The following PLXNA4 variants were observed in gnomAD, a reference collection of about 807,000 sequenced individuals.
The protein encoded by PLXNA4 is plexin A4.
PLXNA4 carries 44 observed loss-of-function variants against 191.8 expected under a neutral mutation model. That is an observed-to-expected ratio of 0.23 (90% CI 0.18 to 0.29). The LOEUF (loss-of-function observed/expected upper bound fraction) is 0.29, where lower values mean the gene tolerates loss of function less well. Among genes scored for constraint, PLXNA4 ranks in the 10% least tolerant of loss-of-function variants. The pLI is 1.00. For synonymous variants in PLXNA4, 1,082 were observed against 1,009.5 expected, an observed-to-expected ratio of 1.07 and a Z score of -1.36; for missense variants, 1,800 against 2,488.8, an observed-to-expected ratio of 0.72 and a Z score of 5.89.
intron 3 of PLXNA4, among the ~76,000 whole-genome samples, chr7:132,470,770 G>C (rs958492064): frequency 6.6e-6 from 1 of 152,182 alleles, no homozygotes; most frequent in African/African-American, 2.4e-5. Flanking sequence ...GACGGAGGAA[G>C]AGAACTGTAG....
intron 3 of PLXNA4, among the ~76,000 whole-genome samples, chr7:132,483,712 G>A (rs993657174): frequency 1.3e-5 from 2 of 152,138 alleles, no homozygotes; most frequent in East Asian, 3.9e-4. Context: ...ATTCAAAAAA[G>A]TGGCACACGT....
At chr7:132,377,852 G>A (rs1288315692) in intron 3 of PLXNA4, among the ~76,000 whole-genome samples, 1 of 152,192 alleles carries the variant, frequency 6.6e-6, no homozygotes, top group Non-Finnish European at 1.5e-5. Flanking sequence ...GCAGGGGAGA[G>A]TGCTGTTTCT....
In PLXNA4 at chr7:132,454,935, C is replaced by T. The variant is rs10250651; in HGVS notation, c.1371+34357G>A. ...CTCATCCAGATCTCTTCCTGTCCTACGGTGGGCTGTCCACCTTCCCACAGC... is the reference window on the plus strand; with the variant it reads ...CTCATCCAGATCTCTTCCTGTCCTATGGTGGGCTGTCCACCTTCCCACAGC... On this transcript the variant is annotated intron_variant, in intron 3 of 31. Coordinates refer to ENST00000321063, the MANE Select transcript of PLXNA4 (RefSeq NM_020911.2). Among the ~76,000 whole-genome samples, 246 of 152,330 alleles carry T rather than the reference C, an allele frequency of 1.6e-3. 1 individual carries two copies. In the Middle Eastern group the frequency reaches 0.02, roughly 13 times the overall value.
At chr7:132,518,180 C>T (rs997670292) in intron 1 of PLXNA4, among the ~76,000 whole-genome samples, 18 of 152,206 alleles carry the variant, frequency 1.2e-4, no homozygotes, top group African/African-American at 4.3e-4. Context: ...TTCGTCCCGG[C>T]CTTCACTGTC....
chr7:132,209,253 C>T (rs770545201), intron 10 of PLXNA4, among the ~76,000 whole-genome samples: 2 of 152,232 alleles, frequency 1.3e-5, no homozygotes, highest in Non-Finnish European at 2.9e-5. Flanking sequence ...GCTCTATCCA[C>T]CCTCCTGACA....
chr7:132,481,970 G>A (rs942584582), intron 3 of PLXNA4, among the ~76,000 whole-genome samples: 9 of 152,310 alleles, frequency 5.9e-5, no homozygotes, highest in Non-Finnish European at 1.0e-4. Flanking sequence ...CAAGCCAAAA[G>A]ACAGGATTCA....
At chr7:132,495,460 C>T (rs557322587) in intron 2 of PLXNA4, among the ~76,000 whole-genome samples, 2 of 152,262 alleles carry the variant, frequency 1.3e-5, no homozygotes, top group South Asian at 4.2e-4. Flanking sequence ...GACCAGGTGA[C>T]CAGCAGGGAT....
At chr7:132,157,994 A>G (rs1228209091) in intron 25 of PLXNA4, among the ~76,000 whole-genome samples, 3 of 152,082 alleles carry the variant, frequency 2.0e-5, no homozygotes, top group Non-Finnish European at 4.4e-5. Flanking sequence ...GTGAGCACAC[A>G]CCCATACCCC....
chr7:132,164,902 T>C (rs893043231), intron 23 of PLXNA4, among the ~76,000 whole-genome samples: 1 of 152,178 alleles, frequency 6.6e-6, no homozygotes, highest in Non-Finnish European at 1.5e-5. Flanking sequence ...GGCTCATCTA[T>C]CCCTTGCCCG....
intron 1 of PLXNA4, among the ~76,000 whole-genome samples, chr7:132,542,181 T>C (rs543519483): frequency 1.6e-4 from 24 of 152,304 alleles, no homozygotes; most frequent in African/African-American, 5.8e-4. Flanking sequence ...CCCAGGACAG[T>C]GCCTGGAACT....
intron 3 of PLXNA4, among the ~76,000 whole-genome samples, chr7:132,475,148 G>A (rs1454337834): frequency 1.3e-5 from 2 of 152,118 alleles, no homozygotes; most frequent in African/African-American, 4.8e-5. Context: ...CACAGACCAG[G>A]GCAGACACCT....
chr7:132,384,582 T>C, intron 3 of PLXNA4: 1 of 988,882 alleles, frequency 1.0e-6, no homozygotes, highest in South Asian at 4.6e-5. Flanking sequence ...ACAGAGCTTT[T>C]GCACATATGA....
At chr7:132,335,238 T>A (rs762496799) in intron 3 of PLXNA4, among the ~76,000 whole-genome samples, 12 of 152,222 alleles carry the variant, frequency 7.9e-5, no homozygotes, top group Non-Finnish European at 1.3e-4. Flanking sequence ...GTGAGCCATA[T>A]CAGAAATTAG....
chr7:132,597,580 CAT>C (rs1563190429), intron 2 of PLXNA4, among the ~76,000 whole-genome samples: 495 of 9,700 alleles, frequency 0.051, 1 homozygote, highest in Non-Finnish European at 0.21. Context: ...TCCTTTTATT[CAT>C]TCATTCATTC....
In PLXNA4 at chr7:132,252,299, G is replaced by GTTTTT. The variant is rs71178032; in HGVS notation, c.1504-11138_1504-11134dup. Among the ~76,000 whole-genome samples, 52 of 75,336 alleles carry GTTTTT rather than the reference G, an allele frequency of 6.9e-4. 2 individuals carry two copies. Among genetic ancestry groups the GTTTTT allele is most frequent in the African/African-American group, 2.3e-3 (47 of 20,684 alleles). 49.4% of individuals were successfully genotyped at this position (75,336 alleles called of 152,430 possible). ...TTGTTAAAATGACAGCATTCTAAAAGTTTTTTTTTTTTTTTTTTTTTTTTT... is the reference window on the plus strand; with the variant it reads ...TTGTTAAAATGACAGCATTCTAAAAGTTTTTTTTTTTTTTTTTTTTTTTTTTTTTT... On this transcript the variant is annotated intron_variant, in intron 4 of 31. Transcript: ENST00000321063.
At chr7:132,615,927 ATC>A (rs370549958) in intron 2 of PLXNA4, among the ~76,000 whole-genome samples, 2,507 of 83,720 alleles carry the variant, frequency 0.03, 61 homozygotes, top group Middle Eastern at 0.12. Flanking sequence ...CAGATAAAGG[ATC>A]TCTCTCTCTC....
At chr7:132,549,456 C>T (rs1800458387) in intron 1 of PLXNA4, among the ~76,000 whole-genome samples, 1 of 152,140 alleles carries the variant, frequency 6.6e-6, no homozygotes, top group Non-Finnish European at 1.5e-5. Flanking sequence ...CTTGGCTACT[C>T]ATGAGAATCA....
intron 3 of PLXNA4, among the ~76,000 whole-genome samples, chr7:132,332,589 C>G (rs974086817): frequency 1.3e-5 from 2 of 151,972 alleles, no homozygotes; most frequent in African/African-American, 4.8e-5. Context: ...TGGCTCATGC[C>G]TATAATCTCA....
chr7:132,266,558 G>T (rs1799866240), intron 4 of PLXNA4, among the ~76,000 whole-genome samples: 1 of 152,168 alleles, frequency 6.6e-6, no homozygotes, highest in South Asian at 2.1e-4. Flanking sequence ...TCTGTGAAAT[G>T]TCTCATTTTT....
Sources: gnomAD v4.1 joint callset for allele counts (sites outside exome capture counted in the v4.1 genomes callset) on GRCh38, gnomAD v4.1.1 for gene constraint, MANE v1.5 for transcripts, NCBI Gene and HGNC (gene_info 2026-07-23, HGNC 2026-07-21) for gene names.